The following B3GALNT2 variants were observed in gnomAD, a reference collection of about 807,000 sequenced individuals.
B3GALNT2 encodes the protein beta-1,3-N-acetylgalactosaminyltransferase 2.
In B3GALNT2, 53 loss-of-function variants were observed where a neutral mutation model predicts 61.1. The ratio of observed to expected loss-of-function variants is 0.87; its 90% CI spans 0.70 to 1.09. The LOEUF is 1.09. Among genes scored for constraint, B3GALNT2 ranks in the 50% least tolerant of loss-of-function variants. The pLI is 0.00. For missense variants in B3GALNT2, 544 were observed against 623.0 expected, an observed-to-expected ratio of 0.87 and a Z score of 1.35; for synonymous variants, 223 against 237.4, an observed-to-expected ratio of 0.94 and a Z score of 0.56.
intron 7 of B3GALNT2, among the ~76,000 whole-genome samples, chr1:235,459,646 G>T (rs777491653): frequency 4.6e-5 from 7 of 152,148 alleles, no homozygotes; most frequent in African/African-American, 7.2e-5. Context: ...AATAAATAAA[G>T]AGACGTAAAT....
rs12067255 is a variant in B3GALNT2, at chr1:235,494,943, C to T, written c.113-115G>A. ...TATGTTTGTAGGAAATTCAGATAAA[C>T]ACAAAGAAAAGAATTTTTAAATCAC... On this transcript the variant is annotated intron_variant, in intron 1 of 11. Coordinates refer to ENST00000366600, the MANE Select transcript of B3GALNT2 (RefSeq NM_152490.5). 1,515 of 1,087,538 alleles carry T rather than the reference C, an allele frequency of 1.4e-3. 20 individuals carry two copies. In the African/African-American group the frequency reaches 0.021, roughly 15 times the overall value. The allele number at this position is 1,087,538 out of a possible 1,614,324, so 67.4% of individuals were successfully genotyped here.
intron 9 of B3GALNT2, 33 bp downstream of exon 9, chr1:235,455,526 C>T (rs373523880): frequency 2.5e-5 from 40 of 1,601,248 alleles, no homozygotes; most frequent in South Asian, 1.3e-4. Context: ...ATCAGGTACA[C>T]GAATGCCAAT....
At chr1:235,493,465 G>C (rs777402271) in intron 2 of B3GALNT2, among the ~76,000 whole-genome samples, 18 of 152,242 alleles carry the variant, frequency 1.2e-4, no homozygotes, top group African/African-American at 4.3e-4. Context: ...CTATGAGTAA[G>C]CACTACTAGT....
At chr1:235,470,575 C>CA (rs35802636) in intron 6 of B3GALNT2, among the ~76,000 whole-genome samples, 82,691 of 118,182 alleles carry the variant, frequency 0.7, 27,443 homozygotes, top group African/African-American at 0.73. Flanking sequence ...GAGACCCTCT[C>CA]AAAAAAAAAA....
rs148305573 is a variant in B3GALNT2 at position 235,500,950 on chromosome 1, C to CT, written c.112+3190dup. Among the ~76,000 whole-genome samples the CT allele has an allele frequency of 1.2e-3, 181 of 152,278 alleles. 2 individuals carry two copies. Among genetic ancestry groups the CT allele is most frequent in the African/African-American group, 4.0e-3 (168 of 41,542 alleles). ...AAGCAAGCTCAATTTGTTTTCTGAC[C>CT]TTCTACTTGCTCTACATCTGTTTCC... On this transcript the variant is annotated intron_variant, in intron 1 of 11. Transcript: ENST00000366600.
Position 235,504,390 on chromosome 1 carries a change from G to A in B3GALNT2, c.-138C>T, listed in dbSNP as rs291348. The A allele has an allele frequency of 0.49, 484,359 of 997,806 alleles. 121,080 individuals are homozygous for A. Among genetic ancestry groups the A allele is most frequent in the Non-Finnish European group, 0.52 (382,667 of 737,144 alleles). The allele number at this position is 997,806 out of a possible 1,614,324, so 61.8% of individuals were successfully genotyped here. A position where few individuals can be genotyped will look rare whatever the true frequency, so the allele number is the denominator to read the frequency against. On this transcript the variant is annotated 5_prime_UTR_variant, in exon 1 of 12. Coordinates refer to ENST00000366600, the MANE Select transcript of B3GALNT2 (RefSeq NM_152490.5). Reference sequence around the variant, plus strand: ...CGCCCTCGCGCTCGGCGACGTCTGGGGGGCTCCTCGCAGCTCCCGGCCCCG... The same window carrying A: ...CGCCCTCGCGCTCGGCGACGTCTGGAGGGCTCCTCGCAGCTCCCGGCCCCG...
chr1:235,443,915 A>T (rs184316308), downstream of B3GALNT2, among the ~76,000 whole-genome samples: 561 of 152,336 alleles, frequency 3.7e-3, 4 homozygotes, highest in African/African-American at 0.013. Context: ...AGAAAAATGA[A>T]ATTATAGTCT....
At chr1:235,443,376 A>AT (rs56727590), downstream of B3GALNT2, among the ~76,000 whole-genome samples, 1 of 151,842 alleles carries the variant, frequency 6.6e-6, no homozygotes, top group Non-Finnish European at 1.5e-5. Flanking sequence ...TAATTTTTGT[A>AT]TTTTTTGTAG....
chr1:235,484,236 C>T (rs1684691186), intron 4 of B3GALNT2, 86 bp downstream of exon 4: 3 of 1,482,348 alleles, frequency 2.0e-6, no homozygotes, highest in Middle Eastern at 2.5e-4. Context: ...ATATAGTCTT[C>T]CAATCTACTT....
rs762127895 is a variant in B3GALNT2 at position 235,458,652 on chromosome 1, C to T, written c.976G>A (p.Val326Ile). The T allele has an allele frequency of 5.0e-6, 8 of 1,612,396 alleles. No homozygotes were observed. Among genetic ancestry groups the T allele is most frequent in the Non-Finnish European group, 6.8e-6 (8 of 1,179,444 alleles). Residue 326 changes from valine (V) to isoleucine (I), a missense_variant, in exon 8 of 12, where the codon GTC (valine) becomes ATC (isoleucine). Val to Ile is a conservative substitution (Grantham distance 29, BLOSUM62 3). Transcript: ENST00000366600. ...IYDDIVFVDV[V>I]DTYRNVPAKL... ...GCAGGAACATTACGATAAGTGTCGA[C>T]AACATCCACAAAAACAATATCATCA...
intron 2 of B3GALNT2, 108 bp downstream of exon 2, chr1:235,494,573 C>CA: frequency 8.1e-7 from 1 of 1,231,496 alleles, no homozygotes; most frequent in Non-Finnish European, 1.1e-6. Flanking sequence ...CCTTCCACCT[C>CA]AGCCTCCCCG....
intron 5 of B3GALNT2, among the ~76,000 whole-genome samples, chr1:235,476,819 C>T (rs1324989193): frequency 6.6e-6 from 1 of 150,744 alleles, no homozygotes; most frequent in Non-Finnish European, 1.5e-5. Context: ...CAGTGCACTC[C>T]AGCCTGGGTG....
At chr1:235,472,363 A>T (rs887055868) in intron 5 of B3GALNT2, among the ~76,000 whole-genome samples, 1 of 151,988 alleles carries the variant, frequency 6.6e-6, no homozygotes, top group African/African-American at 2.4e-5. Flanking sequence ...CCCATTTTTA[A>T]TTCTGTGCAC....
chr1:235,486,400 TAAGTC>T (rs1199049727), intron 3 of B3GALNT2, among the ~76,000 whole-genome samples: 4 of 152,166 alleles, frequency 2.6e-5, no homozygotes, highest in Non-Finnish European at 5.9e-5. Context: ...TTAAAAGCAA[TAAGTC>T]AATTATAATA....
chr1:235,482,252 C>T (rs1351560236), intron 4 of B3GALNT2, among the ~76,000 whole-genome samples: 1 of 152,034 alleles, frequency 6.6e-6, no homozygotes, highest in African/African-American at 2.4e-5. Flanking sequence ...TCCTCCCTAC[C>T]CCACTTCTTG....
intron 1 of B3GALNT2, among the ~76,000 whole-genome samples, chr1:235,500,495 A>G (rs1051481544): frequency 3.3e-5 from 5 of 152,192 alleles, no homozygotes; most frequent in Non-Finnish European, 5.9e-5. Flanking sequence ...AATAATCAAA[A>G]AAGTCTAAAG....
rs746868782 is a variant in B3GALNT2, at chr1:235,448,661, T to TA, written c.*1544dup. 6 of 1,611,744 alleles carry TA rather than the reference T, an allele frequency of 3.7e-6. No individual in the cohort carries two copies. In the South Asian group the frequency reaches 6.6e-5, roughly 18 times the overall value. On this transcript the variant is annotated 3_prime_UTR_variant, in exon 12 of 12. Transcript: ENST00000366600. ...ATCACATCCTTCCCCACCTTCGTTCTAATTTTAGAAGCCGGGCAGAGAAAT... is the reference window on the plus strand; with the variant it reads ...ATCACATCCTTCCCCACCTTCGTTCTAAATTTTAGAAGCCGGGCAGAGAAAT...
At chr1:235,453,788 AGT>A (rs1433501277) in intron 10 of B3GALNT2, among the ~76,000 whole-genome samples, 2 of 152,182 alleles carry the variant, frequency 1.3e-5, no homozygotes, top group Non-Finnish European at 2.9e-5. Context: ...AAACATAATA[AGT>A]AGGCTCAAAA....
chr1:235,441,979 T>A, the B3GALNT2 span: 2 of 1,016,262 alleles, frequency 2.0e-6, no homozygotes, highest in Non-Finnish European at 3.0e-6. Flanking sequence ...CTTAAGTACC[T>A]AAGTAAATGC....
Sources: gnomAD v4.1 joint callset for allele counts (sites outside exome capture counted in the v4.1 genomes callset) on GRCh38, gnomAD v4.1.1 for gene constraint, MANE v1.5 for transcripts, NCBI Gene and HGNC (gene_info 2026-07-23, HGNC 2026-07-21) for gene names.